ERC1: variants seen among roughly 807,000 people sequenced by gnomAD.
ERC1 encodes RAB6 interacting protein 2.
ERC1 carries 56 observed loss-of-function variants against 132.0 expected under a neutral mutation model. The observed-to-expected ratio is 0.42, with a 90% CI of 0.34 to 0.53. The LOEUF (loss-of-function observed/expected upper bound fraction) is 0.53. Ranked by LOEUF, ERC1 falls within the 20% of genes least tolerant of loss-of-function variation. The pLI, the probability that ERC1 is intolerant of heterozygous loss-of-function variation, is 0.03. For synonymous variants in ERC1, 478 were observed against 476.1 expected, an observed-to-expected ratio of 1.00 and a Z score of -0.05; for missense variants, 1,202 against 1,349.9, an observed-to-expected ratio of 0.89 and a Z score of 1.72.
intron 12 of ERC1, among the ~76,000 whole-genome samples, chr12:1,218,469 C>T (rs1958632482): frequency 6.6e-6 from 1 of 152,118 alleles, no homozygotes; most frequent in Non-Finnish European, 1.5e-5. Flanking sequence ...CCCTTCTCAG[C>T]AAATCTTATT....
At chr12:1,486,716 C>T (rs1466059376) in intron 18 of ERC1, among the ~76,000 whole-genome samples, 1 of 151,890 alleles carries the variant, frequency 6.6e-6, no homozygotes, top group Non-Finnish European at 1.5e-5. Flanking sequence ...TGAGCCACCG[C>T]ACCCGGCTGT....
intron 3 of ERC1, among the ~76,000 whole-genome samples, chr12:1,094,582 T>C (rs1390588118): frequency 6.6e-6 from 1 of 152,098 alleles, no homozygotes; most frequent in Non-Finnish European, 1.5e-5. Context: ...GGGCTAATTT[T>C]GTATTTTTAG....
intron 1 of ERC1, among the ~76,000 whole-genome samples, chr12:993,214 G>A (rs1295101661): frequency 6.6e-6 from 1 of 152,166 alleles, no homozygotes; most frequent in Non-Finnish European, 1.5e-5. Flanking sequence ...CTTTGGATTA[G>A]TTAGAAGGAA....
chr12:1,462,935 C>CTT (rs113827907), intron 18 of ERC1, among the ~76,000 whole-genome samples: 2,259 of 150,088 alleles, frequency 0.015, 57 homozygotes, highest in African/African-American at 0.052. Flanking sequence ...GTACAAATTT[C>CTT]TTTTTTTTTT....
chr12:1,104,896 G>C (rs1468874454), intron 4 of ERC1, 72 bp downstream of exon 4: 1 of 962,090 alleles, frequency 1.0e-6, no homozygotes, highest in African/African-American at 1.6e-5. Flanking sequence ...TTCCATGTGT[G>C]AGTGTTAGGA....
chr12:1,012,398 G>A (rs975581568), intron 1 of ERC1, among the ~76,000 whole-genome samples: 7 of 151,644 alleles, frequency 4.6e-5, no homozygotes, highest in Non-Finnish European at 1.5e-5. Flanking sequence ...AACAGTCACA[G>A]ACTTAAAATT....
At chr12:1,299,012 T>G (rs559245888) in intron 15 of ERC1, among the ~76,000 whole-genome samples, 1 of 152,228 alleles carries the variant, frequency 6.6e-6, no homozygotes, top group East Asian at 1.9e-4. Flanking sequence ...CTAATAGAGC[T>G]TCAAAATTCA....
chr12:1,226,515 C>G (rs2074585436), intron 12 of ERC1, among the ~76,000 whole-genome samples: 1 of 152,176 alleles, frequency 6.6e-6, no homozygotes, highest in East Asian at 1.9e-4. Context: ...TACACTGGAT[C>G]TTCAGAACTT....
chr12:1,140,215 T>C (rs974064947), intron 7 of ERC1, among the ~76,000 whole-genome samples: 12 of 152,150 alleles, frequency 7.9e-5, no homozygotes, highest in African/African-American at 2.9e-4. Context: ...CAAGTACTTA[T>C]TATAGCAGTC....
intron 3 of ERC1, among the ~76,000 whole-genome samples, chr12:1,093,697 C>T (rs962145713): frequency 7.3e-5 from 11 of 151,578 alleles, no homozygotes; most frequent in Non-Finnish European, 1.0e-4. Flanking sequence ...CAACTGCTAT[C>T]GTGTTAGGTT....
intron 17 of ERC1, among the ~76,000 whole-genome samples, chr12:1,413,517 C>G (rs1457888146): frequency 6.6e-6 from 1 of 152,106 alleles, no homozygotes; most frequent in African/African-American, 2.4e-5. Context: ...TCACTTGAAC[C>G]TGGGGGGCAG....
chr12:1,458,034 G>A (rs1470299070), intron 18 of ERC1, among the ~76,000 whole-genome samples: 1 of 152,254 alleles, frequency 6.6e-6, no homozygotes, highest in Admixed American at 6.5e-5. Flanking sequence ...CAGGACAAAG[G>A]CACTGGGTTT....
At chr12:1,461,972 G>A (rs1009609593) in intron 18 of ERC1, among the ~76,000 whole-genome samples, 2 of 152,038 alleles carry the variant, frequency 1.3e-5, no homozygotes, top group South Asian at 4.2e-4. Context: ...TACTTGTATT[G>A]AGAAGATATT....
chr12:1,130,663 A>G (rs1417510750), intron 7 of ERC1, among the ~76,000 whole-genome samples: 1 of 148,674 alleles, frequency 6.7e-6, no homozygotes, highest in Admixed American at 6.7e-5. Flanking sequence ...GTACTGTGGA[A>G]TGACTCATTT....
chr12:1,434,260 A>G (rs905389069), intron 17 of ERC1, among the ~76,000 whole-genome samples: 2 of 152,186 alleles, frequency 1.3e-5, no homozygotes, highest in African/African-American at 2.4e-5. Context: ...TCCTTTGTGC[A>G]GTAGCTTTTT....
intron 18 of ERC1, among the ~76,000 whole-genome samples, chr12:1,463,813 T>A (rs1248975306): frequency 6.6e-6 from 1 of 151,690 alleles, no homozygotes; most frequent in Non-Finnish European, 1.5e-5. Context: ...TCTTCTTCTG[T>A]GACAGCTGCC....
chr12:1,404,064 A>G (rs1358760801), intron 16 of ERC1, among the ~76,000 whole-genome samples: 2 of 152,230 alleles, frequency 1.3e-5, no homozygotes. Context: ...GTCCATTCAG[A>G]CTGCTATAAC....
At chr12:1,218,833 T>TACACAC (rs60378521) in intron 12 of ERC1, among the ~76,000 whole-genome samples, 3 of 148,586 alleles carry the variant, frequency 2.0e-5, no homozygotes, top group South Asian at 2.2e-4. Context: ...TATATATATA[T>TACACAC]ACACACACAC....
At chr12:1,367,028 T>G (rs1323003364) in intron 15 of ERC1, among the ~76,000 whole-genome samples, 1 of 152,166 alleles carries the variant, frequency 6.6e-6, no homozygotes, top group East Asian at 1.9e-4. Flanking sequence ...ATTTAAGTAG[T>G]GTATCTACCA....
Sources: allele counts gnomAD v4.1 joint callset (sites outside exome capture counted in the v4.1 genomes callset), GRCh38; gene constraint gnomAD v4.1.1; transcripts MANE v1.5; gene names NCBI Gene and HGNC (gene_info 2026-07-23, HGNC 2026-07-21).